NRXN1: variants seen among roughly 807,000 people sequenced by gnomAD.
NRXN1 encodes neurexin 1.
In NRXN1, 39 loss-of-function variants were observed where a neutral mutation model predicts 150.9. The observed-to-expected ratio is 0.26, with a 90% CI of 0.20 to 0.34. The LOEUF is 0.34. NRXN1 is among the 10% of genes least tolerant of loss of function. The pLI, the probability that NRXN1 is intolerant of heterozygous loss-of-function variation, is 1.00. For synonymous variants in NRXN1, 924 were observed against 757.0 expected (o/e 1.22, Z -3.62); for missense variants, 1,815 against 1,949.9 (o/e 0.93, Z 1.30).
chr2:50,346,586 T>C lies in NRXN1; in HGVS notation c.3365-109616A>G. 1 of 1,235,722 alleles carries C rather than the reference T, an allele frequency of 8.1e-7. No homozygotes were observed. The highest frequency in any genetic ancestry group is 2.4e-5 in the East Asian group (1 of 40,978). The allele number at this position is 1,235,722 out of a possible 1,614,324, so 76.5% of individuals were successfully genotyped here. A position where few individuals can be genotyped will look rare whatever the true frequency, so the allele number is the denominator to read the frequency against. ...AGCACACCCAAATGCACCTCCCTTT[T>C]GTCGAGCTCCCATTTCTCTGAGCCT... On this transcript the variant is annotated intron_variant, in intron 17 of 22. Coordinates refer to ENST00000401669, the MANE Select transcript of NRXN1 (RefSeq NM_001330078.2). This position sits in a 1 kb window ranked among gnomAD's most constrained non-coding sequence, Gnocchi z 5.0.
intron 5 of NRXN1, among the ~76,000 whole-genome samples, chr2:50,903,280 A>C (rs1214015670): frequency 6.6e-6 from 1 of 152,108 alleles, no homozygotes; most frequent in Non-Finnish European, 1.5e-5. Flanking sequence ...CGCCAACCTA[A>C]ATTTTAACTC....
intron 5 of NRXN1, among the ~76,000 whole-genome samples, chr2:50,735,575 C>T (rs1166087263): frequency 6.6e-6 from 1 of 152,112 alleles, no homozygotes; most frequent in Non-Finnish European, 1.5e-5. Context: ...TGCAGTCCCT[C>T]ATTTTGGTAA....
intron 5 of NRXN1, among the ~76,000 whole-genome samples, chr2:50,625,506 C>T (rs1407604745): frequency 6.6e-6 from 1 of 151,994 alleles, no homozygotes; most frequent in African/African-American, 2.4e-5. Flanking sequence ...AGTGTTAAGC[C>T]CAGTACCAGT....
rs552376798 is a variant in NRXN1, at chr2:50,921,632, A to C, written c.832+237T>G. 1.3e-3 allele frequency among the ~76,000 whole-genome samples: 203 copies of C among 151,900 alleles called. 1 individual carries two copies. Among genetic ancestry groups the C allele is most frequent in the Middle Eastern group, 0.01 (3 of 294 alleles). On this transcript the variant is annotated intron_variant, in intron 5 of 22. Coordinates refer to ENST00000401669, the MANE Select transcript of NRXN1 (RefSeq NM_001330078.2). ...TTGTAGCTAATTTCTAAATATATTAATTATGTGAGCACCTGACATGAAAAA... is the reference window on the plus strand; with the variant it reads ...TTGTAGCTAATTTCTAAATATATTACTTATGTGAGCACCTGACATGAAAAA...
At chr2:50,683,500 C>T (rs567106271) in intron 5 of NRXN1, among the ~76,000 whole-genome samples, 4 of 148,256 alleles carry the variant, frequency 2.7e-5, no homozygotes, top group South Asian at 4.4e-4. Context: ...GGCACAGTGG[C>T]GGGCTCCTGT....
chr2:50,156,169 T>G (rs1438280302), intron 18 of NRXN1, among the ~76,000 whole-genome samples: 1 of 151,788 alleles, frequency 6.6e-6, no homozygotes, highest in Non-Finnish European at 1.5e-5. Context: ...AAAGGTTATT[T>G]CTAAAGTTAA....
chr2:50,218,227 T>C (rs1338909128), intron 18 of NRXN1, among the ~76,000 whole-genome samples: 1 of 152,104 alleles, frequency 6.6e-6, no homozygotes, highest in African/African-American at 2.4e-5. Flanking sequence ...CAATATCTCA[T>C]CCACATTTCT....
At chr2:49,933,929 G>T (rs1483406230) in intron 22 of NRXN1, among the ~76,000 whole-genome samples, 1 of 152,144 alleles carries the variant, frequency 6.6e-6, no homozygotes, top group East Asian at 1.9e-4. Context: ...ATGAAAAGAG[G>T]CCTTGTGAAT....
At chr2:50,838,797 G>T (rs1307504676) in intron 5 of NRXN1, among the ~76,000 whole-genome samples, 1 of 152,098 alleles carries the variant, frequency 6.6e-6, no homozygotes, top group Admixed American at 6.6e-5. Flanking sequence ...GCACTGCCCT[G>T]TCAGTACCAT....
At chr2:50,087,715 T>C (rs1433995947) in intron 19 of NRXN1, among the ~76,000 whole-genome samples, 1 of 152,174 alleles carries the variant, frequency 6.6e-6, no homozygotes, top group Non-Finnish European at 1.5e-5. Flanking sequence ...AAATTCAATA[T>C]TTATTCTAAA....
intron 21 of NRXN1, among the ~76,000 whole-genome samples, chr2:50,035,797 C>G (rs1689943318): frequency 6.6e-6 from 1 of 152,108 alleles, no homozygotes. Flanking sequence ...TGGAACTCCT[C>G]CATGGTTCCA....
At chr2:50,581,703 G>T (rs571754555) in intron 8 of NRXN1, among the ~76,000 whole-genome samples, 8 of 152,250 alleles carry the variant, frequency 5.3e-5, no homozygotes, top group African/African-American at 1.9e-4. Context: ...AGAGTCTTTG[G>T]AGTCTTTTGA....
At chr2:49,966,382 C>A (rs928730989) in intron 21 of NRXN1, among the ~76,000 whole-genome samples, 1 of 152,136 alleles carries the variant, frequency 6.6e-6, no homozygotes, top group African/African-American at 2.4e-5. Context: ...CTGGCACTAC[C>A]TTCAAAATAA....
intron 9 of NRXN1, among the ~76,000 whole-genome samples, chr2:50,545,833 C>G (rs1224257388): frequency 6.6e-6 from 1 of 152,162 alleles, no homozygotes; most frequent in Non-Finnish European, 1.5e-5. Flanking sequence ...GTTCCTGATA[C>G]AAAATGGCTT....
chr2:50,164,082 T>C (rs191607602), intron 18 of NRXN1, among the ~76,000 whole-genome samples: 8 of 152,332 alleles, frequency 5.3e-5, no homozygotes, highest in Admixed American at 5.2e-4. Context: ...TAGTAACTTG[T>C]GATTTATGTA....
intron 18 of NRXN1, among the ~76,000 whole-genome samples, chr2:50,102,543 G>C (rs1405935304): frequency 6.6e-6 from 1 of 152,046 alleles, no homozygotes; most frequent in African/African-American, 2.4e-5. Context: ...TAACAAACCA[G>C]ATGGTGCTGC....
At chr2:51,004,436 C>T (rs1263673413) in intron 2 of NRXN1, among the ~76,000 whole-genome samples, 1 of 151,808 alleles carries the variant, frequency 6.6e-6, no homozygotes, top group Non-Finnish European at 1.5e-5. Flanking sequence ...AATTTTATTA[C>T]ACAGAAAAAA....
intron 18 of NRXN1, among the ~76,000 whole-genome samples, chr2:50,146,147 A>C (rs1047982410): frequency 1.3e-5 from 2 of 151,638 alleles, no homozygotes; most frequent in East Asian, 3.9e-4. Flanking sequence ...TGGCAGTTAT[A>C]ATTACCATGA....
At chr2:50,893,397 AT>A (rs1173417872) in intron 5 of NRXN1, among the ~76,000 whole-genome samples, 2 of 152,162 alleles carry the variant, frequency 1.3e-5, no homozygotes, top group African/African-American at 4.8e-5. Context: ...AACATTTGAC[AT>A]TTGTGAATAA....
Sources: gnomAD v4.1 joint callset for allele counts (sites outside exome capture counted in the v4.1 genomes callset) on GRCh38, gnomAD v4.1.1 for gene constraint, Gnocchi (gnomAD v3.1) non-coding constraint, MANE v1.5 for transcripts, NCBI Gene and HGNC (gene_info 2026-07-23, HGNC 2026-07-21) for gene names.